The following ZNF266 variants were observed in gnomAD, a reference collection of about 807,000 sequenced individuals.
ZNF266 encodes zinc finger protein 266.
A neutral mutation model predicts 16.4 loss-of-function variants in ZNF266; 16 were observed. The observed-to-expected ratio is 0.98, with a 90% CI of 0.66 to 1.48. The LOEUF (loss-of-function observed/expected upper bound fraction) is 1.48. Ranked by LOEUF, ZNF266 falls within the 40% of genes most tolerant of loss-of-function variation. The pLI is 0.00. For missense variants in ZNF266, 738 were observed against 689.1 expected (o/e 1.07, Z -0.79); for synonymous variants, 262 against 237.9 (o/e 1.10, Z -0.93).
chr19:9,415,670 G>C lies in ZNF266; in HGVS notation c.389C>G (p.Ser130Cys), dbSNP rs2068866073. The C allele has an allele frequency of 6.2e-7, 1 of 1,612,342 alleles. No homozygotes were observed. The highest frequency in any genetic ancestry group is 8.5e-7 in the Non-Finnish European group (1 of 1,178,858). Residue 130 changes from serine to cysteine, a missense_variant, in exon 10 of 11, where the codon TCC (serine) becomes TGC (cysteine). By Grantham distance (112) the Ser-to-Cys change is moderately radical (BLOSUM62 -1). Coordinates refer to ENST00000592904, the MANE Select transcript of ZNF266 (RefSeq NM_001370374.1). ...LQQDVLGEPT[S>C]SGIQMIGSHN... ...TAATCTTACCATTTGAATCCCACTG[G>C]AGGTTGGCTCCCCCAAAACATCCTG...
rs559866757 is a variant in ZNF266, at chr19:9,422,859, T to C, written c.-129-2641A>G. Among the ~76,000 whole-genome samples, 12 of 152,200 alleles carry C rather than the reference T, an allele frequency of 7.9e-5. No homozygotes were observed. The East Asian group carries it at 2.3e-3, about 29-fold the overall frequency. ...AGATGCATGCATACACATACACAGA[T>C]TCATCAAAAGTTGCCGATGGCTTGG... On this transcript the variant is annotated intron_variant, in intron 5 of 10. Transcript: ENST00000592904.
chr19:9,417,903 G>C lies in ZNF266; in HGVS notation c.241C>G (p.Gln81Glu). ...NYKNLATVGY[Q>E]LFKPSLISWL... Reference sequence around the variant, plus strand: ...GAGATCAGACTGGGTTTGAAGAGCTGATATCCTGTGCACAAAGAAAGATAC... The same window carrying C: ...GAGATCAGACTGGGTTTGAAGAGCTCATATCCTGTGCACAAAGAAAGATAC... The change falls in exon 9 of 11, where the codon CAG (glutamine) becomes GAG (glutamate). Residue 81 changes from glutamine to glutamate, a missense_variant. Coordinates refer to ENST00000592904, the MANE Select transcript of ZNF266 (RefSeq NM_001370374.1). The C allele has an allele frequency of 6.2e-7, 1 of 1,613,994 alleles. No homozygotes were observed. The highest frequency in any genetic ancestry group is 2.2e-5 in the East Asian group (1 of 44,876).
At chr19:9,415,890 C>G (rs917903906) in intron 9 of ZNF266, 148 bp from the exon 10 acceptor site, 1 of 545,630 alleles carries the variant, frequency 1.8e-6, no homozygotes, top group Non-Finnish European at 3.2e-6. Flanking sequence ...ATGGCGTGGT[C>G]TCAGCTCACT....
chr19:9,431,422 G>A (rs891430304), intron 5 of ZNF266, among the ~76,000 whole-genome samples: 17 of 152,294 alleles, frequency 1.1e-4, no homozygotes, highest in South Asian at 1.0e-3. Flanking sequence ...CAATGCGCAT[G>A]CCAGGATGCA....
chr19:9,427,194 C>T (rs1193882698), intron 5 of ZNF266, among the ~76,000 whole-genome samples: 6 of 152,178 alleles, frequency 3.9e-5, no homozygotes. Context: ...TGCTGGATTA[C>T]TACAGCCTTC....
chr19:9,424,078 T>A (rs778063340), intron 5 of ZNF266, among the ~76,000 whole-genome samples: 5 of 152,080 alleles, frequency 3.3e-5, no homozygotes, highest in Non-Finnish European at 5.9e-5. Context: ...TCCCAGCAAC[T>A]CAGAGCACTG....
intron 9 of ZNF266, among the ~76,000 whole-genome samples, chr19:9,415,955 C>G (rs1045184326): frequency 6.6e-6 from 1 of 152,152 alleles, no homozygotes; most frequent in Middle Eastern, 3.2e-3. Context: ...TCCTGAGTAG[C>G]TGGGACTACA....
intron 5 of ZNF266, among the ~76,000 whole-genome samples, chr19:9,424,614 G>A (rs1358049373): frequency 1.3e-5 from 2 of 152,148 alleles, no homozygotes; most frequent in African/African-American, 4.8e-5. Flanking sequence ...CTCTCTGCTT[G>A]TTATACGTAT....
chr19:9,425,434 G>A (rs142509659), intron 5 of ZNF266, among the ~76,000 whole-genome samples: 1 of 152,150 alleles, frequency 6.6e-6, no homozygotes, highest in Admixed American at 6.5e-5. Context: ...CTCTCCTCCC[G>A]GTCTGGGTAG....
chr19:9,418,278 G>A (rs1231474468), intron 8 of ZNF266, among the ~76,000 whole-genome samples: 1 of 152,204 alleles, frequency 6.6e-6, no homozygotes, highest in Non-Finnish European at 1.5e-5. Flanking sequence ...TTCTCACTGA[G>A]TATGTCAAAG....
intron 9 of ZNF266, 38 bp from the exon 10 acceptor site, chr19:9,415,780 C>T (rs1332832714): frequency 6.5e-7 from 1 of 1,538,254 alleles, no homozygotes; most frequent in Non-Finnish European, 9.0e-7. Flanking sequence ...TGGAGACATA[C>T]AGGGTAGACA....
rs1317773831 is a variant in ZNF266 at position 9,426,666 on chromosome 19, AT to A, written c.-129-6449del. ...CAGACCATGAGACATGGGGAAAAAA[AT>A]AAAAGGTAACTAGACTTTAACTAAC... On this transcript the variant is annotated intron_variant, in intron 5 of 10. Transcript: ENST00000592904. Among the ~76,000 whole-genome samples the A allele has an allele frequency of 4.6e-5, 7 of 152,210 alleles. No individual in the cohort carries two copies. In the East Asian group the frequency reaches 1.2e-3, roughly 25 times the overall value.
chr19:9,432,290 T>C (rs1393964563), intron 5 of ZNF266, among the ~76,000 whole-genome samples: 1 of 152,218 alleles, frequency 6.6e-6, no homozygotes, highest in Non-Finnish European at 1.5e-5. Flanking sequence ...AGTGTATACA[T>C]TACTGTTGCT....
Position 9,414,665 on chromosome 19 carries a change from G to A in ZNF266, c.461C>T (p.Ser154Phe), listed in dbSNP as rs1166976101. Residue 154 changes from serine (S) to phenylalanine (F), a missense_variant, in exon 11 of 11, where the codon TCC becomes TTC. By Grantham distance (155) the Ser-to-Phe change is radical (BLOSUM62 -2). Transcript: ENST00000592904. ...VSDVKQCGDV[S>F]SEHSCLKTHV... is the part of the protein sequence containing the mutation. Reference sequence around the variant, plus strand: ...TGTCTTAAGGCATGAGTGTTCACTGGAGACATCTCCACATTGCTTAACATC... The same window carrying A: ...TGTCTTAAGGCATGAGTGTTCACTGAAGACATCTCCACATTGCTTAACATC... The A allele has an allele frequency of 6.3e-7, 1 of 1,598,420 alleles. No individual in the cohort carries two copies. Among genetic ancestry groups the A allele is most frequent in the Admixed American group, 1.7e-5 (1 of 59,668 alleles).
intron 9 of ZNF266, among the ~76,000 whole-genome samples, chr19:9,417,385 T>A (rs1267929784): frequency 1.3e-5 from 2 of 148,524 alleles, no homozygotes; most frequent in African/African-American, 5.0e-5. Context: ...AAAATAAAAA[T>A]AAAAAAAATA....
intron 5 of ZNF266, among the ~76,000 whole-genome samples, chr19:9,424,457 T>G (rs1456523796): frequency 1.3e-5 from 2 of 152,008 alleles, no homozygotes; most frequent in African/African-American, 2.4e-5. Flanking sequence ...TTTGTATTGC[T>G]CCTCCCTGGT....
chr19:9,417,180 G>A (rs1265957335), intron 9 of ZNF266, among the ~76,000 whole-genome samples: 1 of 150,808 alleles, frequency 6.6e-6, no homozygotes, highest in Non-Finnish European at 1.5e-5. Context: ...GGACCAGCGT[G>A]GCCAATGTGG....
At chr19:9,426,569 T>A (rs2070784529) in intron 5 of ZNF266, among the ~76,000 whole-genome samples, 1 of 152,084 alleles carries the variant, frequency 6.6e-6, no homozygotes, top group Non-Finnish European at 1.5e-5. Context: ...TTTTTGAACT[T>A]TAAGTACTAA....
chr19:9,431,432 A>G (rs2071574695), intron 5 of ZNF266, among the ~76,000 whole-genome samples: 1 of 152,314 alleles, frequency 6.6e-6, no homozygotes, highest in Non-Finnish European at 1.5e-5. Context: ...GCCAGGATGC[A>G]TGCTGCTGCA....
Sources: allele counts gnomAD v4.1 joint callset (sites outside exome capture counted in the v4.1 genomes callset), GRCh38; gene constraint gnomAD v4.1.1; transcripts MANE v1.5; gene names NCBI Gene and HGNC (gene_info 2026-07-23, HGNC 2026-07-21).